Variants in NFAT5 observed in about 807,000 individuals in gnomAD.
The protein encoded by NFAT5 is nuclear factor of activated T cells 5.
A neutral mutation model predicts 166.5 loss-of-function variants in NFAT5; 31 were observed. The observed-to-expected ratio is 0.19, with a 90% CI of 0.14 to 0.25. The LOEUF (loss-of-function observed/expected upper bound fraction) is 0.25. Ranked by LOEUF, NFAT5 falls within the 10% of genes least tolerant of loss-of-function variation. NFAT5 has a pLI of 1.00. For synonymous variants in NFAT5, 612 were observed against 639.7 expected, an observed-to-expected ratio of 0.96 and a Z score of 0.65; for missense variants, 1,449 against 1,821.8, an observed-to-expected ratio of 0.80 and a Z score of 3.72.
At chr16:69,689,094 C>T (rs2037445525) in intron 11 of NFAT5, among the ~76,000 whole-genome samples, 1 of 151,992 alleles carries the variant, frequency 6.6e-6, no homozygotes, top group African/African-American at 2.4e-5. Flanking sequence ...GGCAAAGTAA[C>T]GAGACTCTTG....
intron 2 of NFAT5, among the ~76,000 whole-genome samples, chr16:69,625,837 A>T (rs1226926312): frequency 1.3e-5 from 2 of 152,030 alleles, no homozygotes; most frequent in Admixed American, 1.3e-4. Context: ...TTCAATGTTA[A>T]TAACTTTTTC....
rs1182167500 is a variant in NFAT5, at chr16:69,691,821, T to C, written c.1996T>C (p.Ser666Pro). The change falls in exon 13 of 15, where the codon TCA (serine) becomes CCA (proline). Residue 666 changes from serine to proline, a missense_variant. This residue lies in a region of NFAT5 where 245 missense variants were observed against 366.6 expected (regional missense o/e 0.67). Coordinates refer to ENST00000349945, the MANE Select transcript of NFAT5 (RefSeq NM_138713.4). Reference sequence around the variant, plus strand: ...AAACATAGCAGGAAATGGCTCTTTTTCATCACCATCATCTTCCCACCTACC... The same window carrying C: ...AAACATAGCAGGAAATGGCTCTTTTCCATCACCATCATCTTCCCACCTACC... Reference protein sequence around the residue: ...ISNIAGNGSFSSPSSSHLPSE... With the variant: ...ISNIAGNGSFPSPSSSHLPSE... 2.5e-6 allele frequency: 4 copies of C among 1,614,056 alleles called. No homozygotes were observed. The highest frequency in any genetic ancestry group is 3.4e-6 in the Non-Finnish European group (4 of 1,180,048).
At chr16:69,653,528 C>A in intron 5 of NFAT5, 100 bp downstream of exon 5, 1 of 753,284 alleles carries the variant, frequency 1.3e-6, no homozygotes, top group Non-Finnish European at 2.0e-6. Context: ...AATTTTCTTC[C>A]CTCATATTTG....
At chr16:69,589,871 C>A (rs1376204115) in intron 2 of NFAT5, among the ~76,000 whole-genome samples, 1 of 152,018 alleles carries the variant, frequency 6.6e-6, no homozygotes, top group Non-Finnish European at 1.5e-5. Context: ...CTAAAAAGTT[C>A]TTAAGCTGGC....
intron 2 of NFAT5, among the ~76,000 whole-genome samples, chr16:69,616,696 C>G (rs957847150): frequency 2.0e-5 from 3 of 152,104 alleles, no homozygotes; most frequent in Non-Finnish European, 4.4e-5. Flanking sequence ...TGCTTAGGCT[C>G]TGACACCACA....
At chr16:69,633,257 CAG>C (rs1409577559) in intron 3 of NFAT5, among the ~76,000 whole-genome samples, 4 of 152,078 alleles carry the variant, frequency 2.6e-5, no homozygotes, top group Non-Finnish European at 5.9e-5. Context: ...CTTGAGTCAA[CAG>C]AACAGCATTT....
At chr16:69,671,615 C>T (rs2036624811) in intron 9 of NFAT5, among the ~76,000 whole-genome samples, 1 of 152,284 alleles carries the variant, frequency 6.6e-6, no homozygotes, top group African/African-American at 2.4e-5. Flanking sequence ...ATGATCTGCC[C>T]GCCTTGGCCT....
At chr16:69,568,007 AG>A (rs1281379225) in intron 1 of NFAT5, among the ~76,000 whole-genome samples, 1 of 152,164 alleles carries the variant, frequency 6.6e-6, no homozygotes, top group African/African-American at 2.4e-5. Context: ...TATGGGCTTT[AG>A]CGCTTAAAAA....
At chr16:69,662,785 T>A (rs2036210324) in intron 7 of NFAT5, among the ~76,000 whole-genome samples, 1 of 152,142 alleles carries the variant, frequency 6.6e-6, no homozygotes, top group Non-Finnish European at 1.5e-5. Context: ...ATAAAGAGAC[T>A]TGTGTATTCA....
chr16:69,588,752 A>T (rs1399162538), intron 2 of NFAT5, among the ~76,000 whole-genome samples: 1 of 152,216 alleles, frequency 6.6e-6, no homozygotes, highest in Admixed American at 6.5e-5. Context: ...AAAGTGAACT[A>T]TGAGGGGTAG....
In NFAT5 at chr16:69,682,432, A is replaced by AC. The variant is rs79715784; in HGVS notation, c.1691-2444dup. Reference sequence around the variant, plus strand: ...AGACCAGCCTGGGCGATATAGTGAGACCCCCCCCCCCGCCATCCCTACAAA... The same window carrying AC: ...AGACCAGCCTGGGCGATATAGTGAGACCCCCCCCCCCCGCCATCCCTACAAA... On this transcript the variant is annotated intron_variant, in intron 10 of 14. Coordinates refer to ENST00000349945, the MANE Select transcript of NFAT5 (RefSeq NM_138713.4). Among the ~76,000 whole-genome samples the AC allele has an allele frequency of 7.3e-3, 965 of 131,942 alleles. 1 individual carries two copies. The highest frequency in any genetic ancestry group is 0.011 in the South Asian group (44 of 4,126). 86.6% of individuals were successfully genotyped at this position (131,942 alleles called of 152,430 possible). A position where few individuals can be genotyped will look rare whatever the true frequency, so the allele number is the denominator to read the frequency against.
intron 11 of NFAT5, 193 bp downstream of exon 11, chr16:69,685,163 T>G: frequency 5.8e-6 from 1 of 173,156 alleles, no homozygotes. Flanking sequence ...TCTTGCTGAA[T>G]ATGTTTTTAT....
At chr16:69,610,289 A>C (rs934763191) in intron 2 of NFAT5, among the ~76,000 whole-genome samples, 1 of 152,136 alleles carries the variant, frequency 6.6e-6, no homozygotes, top group African/African-American at 2.4e-5. Context: ...TAGTTCAGGT[A>C]GTAGGATATT....
Position 69,668,283 on chromosome 16 carries a change from C to T in NFAT5, c.1370-1694C>T, listed in dbSNP as rs112218112. Among the ~76,000 whole-genome samples the T allele has an allele frequency of 8.5e-3, 1,288 of 152,266 alleles. 7 individuals carry two copies. Among genetic ancestry groups the T allele is most frequent in the Non-Finnish European group, 0.014 (969 of 68,016 alleles). On this transcript the variant is annotated intron_variant, in intron 7 of 14. Coordinates refer to ENST00000349945, the MANE Select transcript of NFAT5 (RefSeq NM_138713.4). Reference sequence around the variant, plus strand: ...GATTACAGGCGTGAGCCACCTCACCCGGCCAGTGTATTTGTTTATACATTA... The same window carrying T: ...GATTACAGGCGTGAGCCACCTCACCTGGCCAGTGTATTTGTTTATACATTA...
chr16:69,672,926 A>G (rs976731641), intron 9 of NFAT5, among the ~76,000 whole-genome samples: 5 of 152,218 alleles, frequency 3.3e-5, no homozygotes, highest in Admixed American at 2.0e-4. Flanking sequence ...CAAAATATCA[A>G]TGACATAGCC....
rs1311893576 is a variant in NFAT5, at chr16:69,566,193, C to A, written c.-109C>A. 6.1e-5 allele frequency: 57 copies of A among 932,546 alleles called. No individual in the cohort carries two copies. In the South Asian group the frequency reaches 8.3e-4, roughly 14 times the overall value. The allele number at this position is 932,546 out of a possible 1,614,324, so 57.8% of individuals were successfully genotyped here. A position where few individuals can be genotyped will look rare whatever the true frequency, so the allele number is the denominator to read the frequency against. On this transcript the variant is annotated 5_prime_UTR_variant, in exon 1 of 15. Transcript: ENST00000349945. This position sits in a 1 kb window ranked among gnomAD's most constrained non-coding sequence, Gnocchi z 5.7. ...CGAGGAGGAGGCAGCGGCAGCCGCCCTCGCGTCGCCGCCCCCGGTTCGGTG... is the reference window on the plus strand; with the variant it reads ...CGAGGAGGAGGCAGCGGCAGCCGCCATCGCGTCGCCGCCCCCGGTTCGGTG...
intron 10 of NFAT5, among the ~76,000 whole-genome samples, chr16:69,683,458 G>C (rs1033110871): frequency 1.3e-5 from 2 of 152,080 alleles, no homozygotes; most frequent in Admixed American, 1.3e-4. Context: ...TTGAGCTTGG[G>C]AGGTGGAAGT....
chr16:69,660,399 C>A (rs780578969), intron 7 of NFAT5, among the ~76,000 whole-genome samples: 4 of 151,214 alleles, frequency 2.6e-5, no homozygotes, highest in African/African-American at 4.9e-5. Context: ...CACTGCACGC[C>A]AGCCTGGGCA....
chr16:69,651,043 A>G (rs2035644117), intron 4 of NFAT5, among the ~76,000 whole-genome samples: 1 of 152,192 alleles, frequency 6.6e-6, no homozygotes, highest in South Asian at 2.1e-4. Context: ...GGCCTTTTAA[A>G]TGACTTGCAC....
Sources: allele counts gnomAD v4.1 joint callset (sites outside exome capture counted in the v4.1 genomes callset), GRCh38; gene constraint gnomAD v4.1.1; regional missense constraint gnomAD v4.1.1; non-coding constraint Gnocchi (gnomAD v3.1); transcripts MANE v1.5; gene names NCBI Gene and HGNC (gene_info 2026-07-23, HGNC 2026-07-21).